GMEB2: variants seen among roughly 807,000 people sequenced by gnomAD.
The protein encoded by GMEB2 is glucocorticoid modulatory element-binding protein 2.
Under a neutral mutation model 45.7 loss-of-function variants are expected in GMEB2, and 7 were observed. The observed-to-expected ratio is 0.15, with a 90% confidence interval of 0.09 to 0.29. The LOEUF (loss-of-function observed/expected upper bound fraction) is 0.29. Ranked by LOEUF, GMEB2 falls within the 10% of genes least tolerant of loss-of-function variation. The pLI is 1.00. For missense variants in GMEB2, 582 were observed against 739.2 expected, an observed-to-expected ratio of 0.79 and a Z score of 2.47; for synonymous variants, 322 against 323.6, an observed-to-expected ratio of 1.00 and a Z score of 0.05.
rs1338892103 is a variant in GMEB2, at chr20:63,626,976, C to T, written c.-78G>A. On this transcript the variant is annotated 5_prime_UTR_variant, in exon 1 of 10. Transcript: ENST00000370077. ...CTTACCTGGGGCCGCGCCGGGCCTGCTTAGGCACCCGGCGGGGGCGGCGGC... is the reference window on the plus strand; with the variant it reads ...CTTACCTGGGGCCGCGCCGGGCCTGTTTAGGCACCCGGCGGGGGCGGCGGC... 1 of 148,016 alleles carries T rather than the reference C, an allele frequency of 6.8e-6. No individual in the cohort carries two copies. The highest frequency in any genetic ancestry group is 2.5e-5 in the African/African-American group (1 of 40,740). 9.2% of individuals were successfully genotyped at this position (148,016 alleles called of 1,614,324 possible).
Position 63,593,698 on chromosome 20 carries a change from TAG to T in GMEB2, c.620-618_620-617del, listed in dbSNP as rs946399340. 9.1e-5 allele frequency among the ~76,000 whole-genome samples: 11 copies of T among 120,966 alleles called. No homozygotes were observed. The highest frequency in any genetic ancestry group is 4.6e-4 in the African/African-American group (11 of 24,150). The allele number at this position is 120,966 out of a possible 152,430, so 79.4% of individuals were successfully genotyped here. ...ATGTGGCCATTTTGGGCGTTGCTGA[TAG>T]AGACTTTATACACAGATCTGGCTTA... On this transcript the variant is annotated intron_variant, in intron 6 of 9. Transcript: ENST00000370077. This position sits in a 1 kb window ranked among gnomAD's most constrained non-coding sequence, Gnocchi z 4.7.
chr20:63,607,304 A>T (rs1417509565), intron 2 of GMEB2, among the ~76,000 whole-genome samples: 5 of 46,418 alleles, frequency 1.1e-4, no homozygotes, highest in African/African-American at 2.9e-4. Flanking sequence ...CCTCTGACCC[A>T]CACCTCCATT....
intron 5 of GMEB2, among the ~76,000 whole-genome samples, chr20:63,596,852 T>C (rs2083204004): frequency 6.6e-6 from 1 of 152,148 alleles, no homozygotes; most frequent in African/African-American, 2.4e-5. Flanking sequence ...ATCCCGTCTC[T>C]ACTAAAAATA....
chr20:63,607,248 T>C (rs866067029), intron 2 of GMEB2, among the ~76,000 whole-genome samples: 14 of 131,936 alleles, frequency 1.1e-4, no homozygotes, highest in African/African-American at 3.0e-4. Flanking sequence ...CCTCCATTTC[T>C]AGAAACATGC....
intron 2 of GMEB2, among the ~76,000 whole-genome samples, chr20:63,605,959 G>GA (rs1000485696): frequency 9.4e-5 from 14 of 148,174 alleles, no homozygotes; most frequent in South Asian, 2.1e-4. Flanking sequence ...TGTCTCAGGG[G>GA]AAAAAAAAAA....
chr20:63,601,860 GGCCTGTGGCTTCCGTGCT>G (rs1397579270), intron 4 of GMEB2, among the ~76,000 whole-genome samples: 15 of 142,974 alleles, frequency 1.0e-4, no homozygotes, highest in East Asian at 6.2e-4. Context: ...GCTTCCGTGG[GGCCTGTGGCTTCCGTGCT>G]GCCTGTGGCT....
intron 2 of GMEB2, among the ~76,000 whole-genome samples, chr20:63,617,820 G>C (rs559161994): frequency 6.6e-6 from 1 of 151,836 alleles, no homozygotes; most frequent in African/African-American, 2.4e-5. Flanking sequence ...GGCCTACCCC[G>C]AGGCTGCTTC....
chr20:63,620,538 A>G (rs1428511584), intron 1 of GMEB2, among the ~76,000 whole-genome samples: 1 of 152,220 alleles, frequency 6.6e-6, no homozygotes, highest in African/African-American at 2.4e-5. Context: ...TCGTCCCAAG[A>G]CAGTCTCTAC....
chr20:63,588,685 A>G lies in GMEB2; in HGVS notation c.*1404T>C. ...GTTCCCTTCGGAGCAGTGAAGTGGG[A>G]CACAGGACCCTCGCATTGCGGGGCC... On this transcript the variant is annotated 3_prime_UTR_variant, in exon 10 of 10. Transcript: ENST00000370077. The G allele has an allele frequency of 2.5e-6, 1 of 398,350 alleles. No individual in the cohort carries two copies. The allele number at this position is 398,350 out of a possible 1,614,324, so 24.7% of individuals were successfully genotyped here. A position where few individuals can be genotyped will look rare whatever the true frequency, so the allele number is the denominator to read the frequency against.
intron 4 of GMEB2, among the ~76,000 whole-genome samples, chr20:63,598,535 G>A (rs930345968): frequency 4.7e-4 from 72 of 152,336 alleles, no homozygotes; most frequent in East Asian, 5.8e-4. Context: ...AAAACAAGCA[G>A]GCTGGGGATG....
intron 1 of GMEB2, among the ~76,000 whole-genome samples, chr20:63,624,611 G>A (rs2089658783): frequency 1.3e-5 from 2 of 152,200 alleles, no homozygotes; most frequent in African/African-American, 4.8e-5. Context: ...CTCACTGCAG[G>A]CAGGGGTCCT....
intron 4 of GMEB2, among the ~76,000 whole-genome samples, chr20:63,598,310 C>T (rs180902835): frequency 2.0e-5 from 3 of 150,778 alleles, no homozygotes; most frequent in East Asian, 3.9e-4. Context: ...CACCTTGCCC[C>T]GTGCAGCAAA....
At position 63,593,744 on chromosome 20, in the gene GMEB2, G is replaced by A. The variant is rs557249496; in HGVS notation, c.620-662C>T. Among the ~76,000 whole-genome samples, 23 of 152,296 alleles carry A rather than the reference G, an allele frequency of 1.5e-4. No homozygotes were observed. In the East Asian group the frequency reaches 1.9e-3, roughly 13 times the overall value. ...TGGCTTAAAAAACAAACCCGGGGCC[G>A]GATGTGGTGGCTCACGCCTGTAATC... On this transcript the variant is annotated intron_variant, in intron 6 of 9. Coordinates refer to ENST00000370077, the MANE Select transcript of GMEB2 (RefSeq NM_012384.5). This position sits in a 1 kb window ranked among gnomAD's most constrained non-coding sequence, Gnocchi z 4.7.
intron 2 of GMEB2, among the ~76,000 whole-genome samples, chr20:63,615,799 C>T (rs2089604383): frequency 6.6e-6 from 1 of 152,180 alleles, no homozygotes. Context: ...GTGGCGACGC[C>T]CCATGCTCCC....
At chr20:63,601,915 G>A (rs2146065691) in intron 4 of GMEB2, among the ~76,000 whole-genome samples, 1 of 151,106 alleles carries the variant, frequency 6.6e-6, no homozygotes, top group Admixed American at 6.6e-5. Context: ...CTTCCGTGGG[G>A]CCTGTGGCTT....
In GMEB2 at chr20:63,590,296, C is replaced by T; in HGVS notation, c.1386G>A (p.Val462=). The T allele has an allele frequency of 6.2e-7, 1 of 1,612,746 alleles. No individual in the cohort carries two copies. ...CCTTGAACACCGTGCTACCGTCCTG[C>T]ACGGCGGCCGTGCTCAGGACCGTGA... ...SSLTVLSTAA[V]QDGSTVFKVV... is the part of the protein sequence containing the mutation. Residue 462 remains valine, a synonymous_variant, in exon 10 of 10, where the codon GTG becomes GTA. Coordinates refer to ENST00000370077, the MANE Select transcript of GMEB2 (RefSeq NM_012384.5).
intron 1 of GMEB2, among the ~76,000 whole-genome samples, chr20:63,621,812 T>C (rs2089644284): frequency 6.7e-6 from 1 of 149,756 alleles, no homozygotes; most frequent in South Asian, 2.1e-4. Context: ...GTACAGAATA[T>C]AAAAACTTTT....
intron 4 of GMEB2, among the ~76,000 whole-genome samples, chr20:63,602,028 T>C (rs2083246163): frequency 6.6e-6 from 1 of 152,108 alleles, no homozygotes; most frequent in Admixed American, 6.5e-5. Flanking sequence ...GTGGGGCCTG[T>C]GGCTTCTGTG....
chr20:63,594,814 T>C (rs1296462296), intron 6 of GMEB2, among the ~76,000 whole-genome samples: 3 of 152,152 alleles, frequency 2.0e-5, no homozygotes, highest in Non-Finnish European at 4.4e-5. Context: ...AGTGGAGCGA[T>C]CTCAGCTCAC....
Sources: allele counts gnomAD v4.1 joint callset (sites outside exome capture counted in the v4.1 genomes callset), GRCh38; gene constraint gnomAD v4.1.1; non-coding constraint Gnocchi (gnomAD v3.1); transcripts MANE v1.5; gene names NCBI Gene and HGNC (gene_info 2026-07-23, HGNC 2026-07-21).